The following PTK7 variants were observed in gnomAD, a reference collection of about 807,000 sequenced individuals.
PTK7 encodes inactive tyrosine-protein kinase 7.
A neutral mutation model predicts 116.6 loss-of-function variants in PTK7; 39 were observed. The ratio of observed to expected loss-of-function variants is 0.33; its 90% CI spans 0.26 to 0.44. PTK7 has a LOEUF of 0.44. Ranked by LOEUF, PTK7 falls within the 20% of genes least tolerant of loss-of-function variation. The pLI, the probability that PTK7 is intolerant of heterozygous loss-of-function variation, is 1.00. For missense variants in PTK7, 1,169 were observed against 1,425.6 expected, an observed-to-expected ratio of 0.82 and a Z score of 2.90; for synonymous variants, 546 against 563.6, an observed-to-expected ratio of 0.97 and a Z score of 0.44.
chr6:43,080,943 A>G (rs986511368), intron 1 of PTK7, among the ~76,000 whole-genome samples: 5 of 129,496 alleles, frequency 3.9e-5, no homozygotes, highest in Non-Finnish European at 8.1e-5. Context: ...CTCCGTCTCA[A>G]AAAAAAAAAA....
chr6:43,079,104 A>G (rs541759028), intron 1 of PTK7, among the ~76,000 whole-genome samples: 2 of 152,254 alleles, frequency 1.3e-5, no homozygotes, highest in East Asian at 3.9e-4. Flanking sequence ...AGCTCAAGCA[A>G]TGGAGATAAA....
Position 43,129,012 on chromosome 6 carries a change from T to C in PTK7, c.115T>C (p.Ser39Pro), listed in dbSNP as rs1365598462. ...AGCCATTGTCTTCATCAAGCAGCCG[T>C]CCTCCCAGGATGCACTGCAGGGGCG... Reference protein sequence around the residue: ...QTAIVFIKQPSSQDALQGRRA... With the variant: ...QTAIVFIKQPPSQDALQGRRA... The change falls in exon 2 of 20, where the codon TCC becomes CCC. Residue 39 changes from serine (S) to proline (P), a missense_variant. By Grantham distance (74) the Ser-to-Pro change is moderately conservative. Around this residue, in one of 3 missense-constraint regions of PTK7, gnomAD observed 487 missense variants for 549.8 expected, o/e 0.89. Transcript: ENST00000230419. The surrounding 1 kb of genome is among the most constrained non-coding windows in gnomAD (Gnocchi z 4.5). 1.9e-6 allele frequency: 3 copies of C among 1,612,490 alleles called. No homozygotes were observed. Among genetic ancestry groups the C allele is most frequent in the Non-Finnish European group, 2.5e-6 (3 of 1,178,954 alleles).
At chr6:43,130,459 C>T in intron 4 of PTK7, 39 bp downstream of exon 4, 2 of 1,609,150 alleles carry the variant, frequency 1.2e-6, no homozygotes, top group Admixed American at 1.7e-5. Context: ...GAGGTGAGCA[C>T]AGGAGGGCCT....
At chr6:43,119,647 G>T (rs928209571) in intron 1 of PTK7, among the ~76,000 whole-genome samples, 1 of 152,200 alleles carries the variant, frequency 6.6e-6, no homozygotes, top group African/African-American at 2.4e-5. Flanking sequence ...TGGGAGCACT[G>T]GCTGAGCACC....
intron 16 of PTK7, 99 bp from the exon 17 acceptor site, chr6:43,146,519 C>A: frequency 8.7e-7 from 1 of 1,146,802 alleles, no homozygotes; most frequent in Non-Finnish European, 1.3e-6. Context: ...CTTCTCACTG[C>A]CTCCCCAGGC....
intron 1 of PTK7, among the ~76,000 whole-genome samples, chr6:43,127,781 T>C (rs1184567783): frequency 6.6e-6 from 1 of 152,048 alleles, no homozygotes; most frequent in East Asian, 1.9e-4. Flanking sequence ...TACAAAAAAT[T>C]AGCCAGGCGT....
chr6:43,115,759 A>G (rs1266225644), intron 1 of PTK7, among the ~76,000 whole-genome samples: 6 of 151,956 alleles, frequency 3.9e-5, no homozygotes. Context: ...CAACATGGAA[A>G]AACCCTGTTT....
chr6:43,157,357 TATATATATTTTTTTTTTTC>T (rs1274135773), intron 17 of PTK7, among the ~76,000 whole-genome samples: 86 of 7,298 alleles, frequency 0.012, 3 homozygotes, highest in African/African-American at 0.027. Flanking sequence ...TATATATATA[TATATATATTTTTTTTTTTC>T]TTTTTTTTTT....
At chr6:43,098,537 G>T (rs759883445) in intron 1 of PTK7, among the ~76,000 whole-genome samples, 28 of 151,828 alleles carry the variant, frequency 1.8e-4, no homozygotes, top group Non-Finnish European at 1.2e-4. Context: ...TGCATTTTTA[G>T]TAGAGATGGG....
At chr6:43,136,521 C>T (rs867717854) in intron 7 of PTK7, among the ~76,000 whole-genome samples, 31 of 152,308 alleles carry the variant, frequency 2.0e-4, no homozygotes, top group African/African-American at 7.2e-4. Flanking sequence ...ACTCACCTGT[C>T]TGGCAGTTGA....
intron 1 of PTK7, among the ~76,000 whole-genome samples, chr6:43,110,601 A>G (rs1157773503): frequency 6.6e-6 from 1 of 151,688 alleles, no homozygotes. Context: ...TTTATTAGAG[A>G]CAGGGTTTCA....
At chr6:43,133,146 G>C in intron 7 of PTK7, 1 of 291,088 alleles carries the variant, frequency 3.4e-6, no homozygotes, top group Non-Finnish European at 6.3e-6. Flanking sequence ...GGAGGTAATA[G>C]TGGACAAAAT....
intron 5 of PTK7, 114 bp from the exon 6 acceptor site, chr6:43,131,902 C>T: frequency 7.1e-7 from 1 of 1,411,276 alleles, no homozygotes; most frequent in Non-Finnish European, 9.8e-7. Context: ...CTGCCCTGTT[C>T]CTGGTCGATT....
intron 1 of PTK7, among the ~76,000 whole-genome samples, chr6:43,086,428 T>G (rs1766657402): frequency 6.6e-6 from 1 of 151,828 alleles, no homozygotes; most frequent in Non-Finnish European, 1.5e-5. Context: ...TTTTTTTTTT[T>G]TTGTCTCCTC....
chr6:43,101,061 C>G (rs1767545980), intron 1 of PTK7, among the ~76,000 whole-genome samples: 1 of 150,518 alleles, frequency 6.6e-6, no homozygotes, highest in Non-Finnish European at 1.5e-5. Flanking sequence ...GGAGAAACCC[C>G]GTCTCTACTA....
At chr6:43,089,134 C>T (rs560317914) in intron 1 of PTK7, among the ~76,000 whole-genome samples, 2 of 152,124 alleles carry the variant, frequency 1.3e-5, no homozygotes, top group African/African-American at 4.8e-5. Context: ...CAGGAGTGTT[C>T]AGGTGAGGTT....
In PTK7 at chr6:43,102,349, C is replaced by T. The variant is rs537889307; in HGVS notation, c.79+25782C>T. 3.4e-4 allele frequency among the ~76,000 whole-genome samples: 51 copies of T among 152,140 alleles called. 1 individual carries two copies. In the South Asian group the frequency reaches 0.011, roughly 32 times the overall value. ...CTTAGACAGGAGAATTGCTTGAACC[C>T]GGGAGATGGAGGTTGCAGTGAGCCA... On this transcript the variant is annotated intron_variant, in intron 1 of 19. Coordinates refer to ENST00000230419, the MANE Select transcript of PTK7 (RefSeq NM_002821.5).
intron 17 of PTK7, among the ~76,000 whole-genome samples, chr6:43,149,077 AAAAAG>A: frequency 7.0e-6 from 1 of 143,536 alleles, no homozygotes; most frequent in South Asian, 2.2e-4. Context: ...AAAAAAAAAA[AAAAAG>A]AAATGCAGGC....
chr6:43,151,884 G>T (rs1180104011), intron 17 of PTK7, among the ~76,000 whole-genome samples: 3 of 104,040 alleles, frequency 2.9e-5, no homozygotes, highest in African/African-American at 3.9e-5. Flanking sequence ...TCGCTCTGTC[G>T]CCCAGGCTGG....
Sources: allele counts gnomAD v4.1 joint callset (sites outside exome capture counted in the v4.1 genomes callset), GRCh38; gene constraint gnomAD v4.1.1; regional missense constraint gnomAD v4.1.1; non-coding constraint Gnocchi (gnomAD v3.1); transcripts MANE v1.5; gene names NCBI Gene and HGNC (gene_info 2026-07-23, HGNC 2026-07-21).